The following MARF1 variants were observed in gnomAD, a reference collection of about 807,000 sequenced individuals.
The protein encoded by MARF1 is meiosis regulator and mRNA stability factor 1, also known as limkain-b1.
A neutral mutation model predicts 168.2 loss-of-function variants in MARF1; 24 were observed. The ratio of observed to expected loss-of-function variants is 0.14; its 90% CI spans 0.10 to 0.20. The LOEUF (loss-of-function observed/expected upper bound fraction) is 0.20, where lower values mean the gene tolerates loss of function less well. Ranked by LOEUF, MARF1 falls within the 10% of genes least tolerant of loss-of-function variation. The pLI, the probability that MARF1 is intolerant of heterozygous loss-of-function variation, is 1.00. For synonymous variants in MARF1, 868 were observed against 822.4 expected (o/e 1.06, Z -0.95); for missense variants, 1,744 against 2,143.6 (o/e 0.81, Z 3.68).
At chr16:15,613,111 T>C (rs560029001) in intron 16 of MARF1, among the ~76,000 whole-genome samples, 1 of 152,316 alleles carries the variant, frequency 6.6e-6, no homozygotes, top group East Asian at 1.9e-4. Flanking sequence ...CCAAGATCCT[T>C]CTGAAACTTG....
chr16:15,620,450 CT>C lies in MARF1; in HGVS notation c.2720del (p.Lys907SerfsTer6), dbSNP rs1303520043. Reference sequence around the variant, plus strand: ...ATAAAGAAAAAATATACCTAACTTACTTTTTTTCATAGATATCTGTAAATTT... The same window carrying C: ...ATAAAGAAAAAATATACCTAACTTACTTTTTTCATAGATATCTGTAAATTT... ...LFKFTDIYEK[K>X]FGHKLNVSDL... On this transcript the variant is annotated frameshift_variant and splice_region_variant, in exon 13 of 27. Transcript: ENST00000396368. LOFTEE classifies it high-confidence loss of function. 6.2e-7 allele frequency: 1 copy of C among 1,600,686 alleles called. No individual in the cohort carries two copies. The highest frequency in any genetic ancestry group is 1.1e-5 in the South Asian group (1 of 90,380).
chr16:15,598,027 C>T (rs2031936720), intron 26 of MARF1, among the ~76,000 whole-genome samples: 1 of 152,154 alleles, frequency 6.6e-6, no homozygotes, highest in South Asian at 2.1e-4. Flanking sequence ...CGGGTTGTTC[C>T]TGGTGACCTG....
chr16:15,626,961 GAAA>G (rs71134441), intron 7 of MARF1, among the ~76,000 whole-genome samples: 2 of 116,356 alleles, frequency 1.7e-5, no homozygotes, highest in South Asian at 3.1e-4. Context: ...GAGATTCTGT[GAAA>G]AAAAAAAAAA....
At position 15,604,316 on chromosome 16, in the gene MARF1, A is replaced by G. The variant is rs759294926; in HGVS notation, c.4265T>C (p.Leu1422Ser). The G allele has an allele frequency of 6.8e-6, 11 of 1,614,128 alleles. No homozygotes were observed. The highest frequency in any genetic ancestry group is 7.6e-6 in the Non-Finnish European group (9 of 1,180,010). The change falls in exon 22 of 27, where the codon TTG becomes TCG. Residue 1422 changes from leucine to serine, a missense_variant. Coordinates refer to ENST00000396368, the MANE Select transcript of MARF1 (RefSeq NM_014647.4). ...GGTGGTTCCTTCCCAAGACATCAAC[A>G]ATACCAGCAACTGGGCAGTGAGAGA... ...LRSLTAQLLV[L>S]LMSWEGTTHL...
At chr16:15,604,119 C>T in intron 22 of MARF1, 49 bp downstream of exon 22, 2 of 1,392,236 alleles carry the variant, frequency 1.4e-6, no homozygotes, top group Non-Finnish European at 2.0e-6. Flanking sequence ...CGGAAATGCC[C>T]AATCGATAGT....
Position 15,598,893 on chromosome 16 carries a change from C to T in MARF1, c.4945G>A (p.Asp1649Asn). 6.2e-7 allele frequency: 1 copy of T among 1,614,060 alleles called. No individual in the cohort carries two copies. Among genetic ancestry groups the T allele is most frequent in the Non-Finnish European group, 8.5e-7 (1 of 1,180,010 alleles). ...GGGCGCTCCTCAAACTGAATGAGAT[C>T]AGCAGATTGGAGGATAACGGGGTCT... ...RPDPVILQSA[D>N]LIQFEERPQE... Residue 1649 changes from aspartate to asparagine, a missense_variant, in exon 26 of 27, where the codon GAT becomes AAT. By Grantham distance (23) the Asp-to-Asn change is conservative. This residue lies in a region of MARF1 where 313 missense variants were observed against 337.4 expected (regional missense o/e 0.93). Coordinates refer to ENST00000396368, the MANE Select transcript of MARF1 (RefSeq NM_014647.4).
chr16:15,616,034 G>A, intron 15 of MARF1, 29 bp from the exon 16 acceptor site: 1 of 1,443,612 alleles, frequency 6.9e-7, no homozygotes, highest in South Asian at 1.5e-5. Context: ...ACAAAAAAAG[G>A]AAAGGTTAAA....
Position 15,621,780 on chromosome 16 carries a change from C to T in MARF1, c.2592G>A (p.Leu864=). 6.2e-7 allele frequency: 1 copy of T among 1,614,100 alleles called. No individual in the cohort carries two copies. The highest frequency in any genetic ancestry group is 8.5e-7 in the Non-Finnish European group (1 of 1,180,016). ...HRYKIGSKKI[L]VSLATGAASK... ...TGGCAGCCCCGGTGGCAAGTGAGAC[C>T]AGGATCTTTTTGCTGCCAATTTTGT... Residue 864 remains leucine, a synonymous_variant, in exon 12 of 27, where the codon CTG becomes CTA. Transcript: ENST00000396368.
chr16:15,633,695 G>A lies in MARF1; in HGVS notation c.1155C>T (p.His385=). The change falls in exon 5 of 27, where the codon CAC becomes CAT. Residue 385 remains histidine (H), a synonymous_variant. Coordinates refer to ENST00000396368, the MANE Select transcript of MARF1 (RefSeq NM_014647.4). ...QRIREKFFKG[H]REAEFICVCD... is the part of the protein sequence containing the mutation. Reference sequence around the variant, plus strand: ...ATACACAGATGAATTCTGCTTCTCTGTGGCCTTTAAAAAACTTCTCACGGA... The same window carrying A: ...ATACACAGATGAATTCTGCTTCTCTATGGCCTTTAAAAAACTTCTCACGGA... 1 of 1,613,256 alleles carries A rather than the reference G, an allele frequency of 6.2e-7. No homozygotes were observed. The highest frequency in any genetic ancestry group is 8.5e-7 in the Non-Finnish European group (1 of 1,179,900).
chr16:15,628,386 C>T (rs2035020040), intron 7 of MARF1, among the ~76,000 whole-genome samples: 1 of 151,818 alleles, frequency 6.6e-6, no homozygotes, highest in South Asian at 2.1e-4. Flanking sequence ...TTACAATGAT[C>T]ATACCATACT....
At chr16:15,627,179 C>G (rs113022948) in intron 7 of MARF1, among the ~76,000 whole-genome samples, 1 of 151,184 alleles carries the variant, frequency 6.6e-6, no homozygotes, top group Non-Finnish European at 1.5e-5. Flanking sequence ...CAGTGAGACC[C>G]CATCTCTATT....
At chr16:15,633,415 G>A (rs80103164) in intron 5 of MARF1, among the ~76,000 whole-genome samples, 6,354 of 152,130 alleles carry the variant, frequency 0.042, 169 homozygotes, top group Middle Eastern at 0.12. Flanking sequence ...GCATGATGGC[G>A]TGCATCTGTG....
chr16:15,630,235 G>C, intron 7 of MARF1, 97 bp downstream of exon 7: 1 of 1,109,162 alleles, frequency 9.0e-7, no homozygotes, highest in Non-Finnish European at 1.3e-6. Flanking sequence ...ACAAAGAACA[G>C]CCCCATCTGG....
At chr16:15,641,780 C>T (rs182247671) in intron 1 of MARF1, among the ~76,000 whole-genome samples, 1 of 152,336 alleles carries the variant, frequency 6.6e-6, no homozygotes, top group East Asian at 1.9e-4. Context: ...CTTTCCACTA[C>T]ATCAAGGTGC....
At chr16:15,604,636 A>T (rs992343539) in intron 21 of MARF1, among the ~76,000 whole-genome samples, 1 of 152,180 alleles carries the variant, frequency 6.6e-6, no homozygotes, top group Non-Finnish European at 1.5e-5. Context: ...TCTCAACAAG[A>T]TAATAATGGG....
At position 15,596,781 on chromosome 16, in the gene MARF1, T is replaced by G; in HGVS notation, c.5141A>C (p.Asp1714Ala). 1.2e-6 allele frequency: 2 copies of G among 1,613,618 alleles called. No homozygotes were observed. The highest frequency in any genetic ancestry group is 1.7e-6 in the Non-Finnish European group (2 of 1,179,650). Reference protein sequence around the residue: ...SETSESLLSKDPVESPAKKQP... With the variant: ...SETSESLLSKAPVESPAKKQP... ...CTTTTTGGCCGGGCTTTCCACGGGG[T>G]CCTTGCTGAGCAGTGACTCGGAGGT... Residue 1714 changes from aspartate (D) to alanine (A), a missense_variant, in exon 27 of 27, where the codon GAC (aspartate) becomes GCC (alanine). Coordinates refer to ENST00000396368, the MANE Select transcript of MARF1 (RefSeq NM_014647.4).
intron 23 of MARF1, chr16:15,601,672 C>T (rs2032445239): frequency 6.9e-6 from 3 of 436,302 alleles, no homozygotes; most frequent in African/African-American, 5.9e-5. Context: ...TGACACGGCC[C>T]TCCTCAGCGC....
chr16:15,608,599 A>T, intron 20 of MARF1, 81 bp from the exon 21 acceptor site: 1 of 1,000,108 alleles, frequency 1.0e-6, no homozygotes, highest in Non-Finnish European at 1.5e-6. Flanking sequence ...GTATGCAGCT[A>T]GTAATGAAAA....
chr16:15,621,424 T>C (rs969981606), intron 12 of MARF1: 13 of 339,242 alleles, frequency 3.8e-5, no homozygotes, highest in African/African-American at 2.6e-4. Flanking sequence ...CTCAAGGTAA[T>C]ATTTTAGACT....
Sources: allele counts gnomAD v4.1 joint callset (sites outside exome capture counted in the v4.1 genomes callset), GRCh38; gene constraint gnomAD v4.1.1; regional missense constraint gnomAD v4.1.1; transcripts MANE v1.5; gene names NCBI Gene and HGNC (gene_info 2026-07-23, HGNC 2026-07-21).